FER1L6: variants seen among roughly 807,000 people sequenced by gnomAD.
The protein encoded by FER1L6 is fer-1-like protein 6.
In FER1L6, 177 loss-of-function variants were observed where a neutral mutation model predicts 219.2. The observed-to-expected ratio is 0.81, with a 90% CI of 0.71 to 0.91. FER1L6 has a LOEUF of 0.91. Ranked by LOEUF, FER1L6 falls within the 40% of genes least tolerant of loss-of-function variation. The pLI, the probability that FER1L6 is intolerant of heterozygous loss-of-function variation, is 0.00. For missense variants in FER1L6, 2,153 were observed against 2,259.9 expected (o/e 0.95, Z 0.96); for synonymous variants, 768 against 824.3 (o/e 0.93, Z 1.17).
intron 1 of FER1L6, among the ~76,000 whole-genome samples, chr8:123,949,220 G>A (rs1814638675): frequency 6.6e-6 from 1 of 152,176 alleles, no homozygotes. Flanking sequence ...AAATCCATTT[G>A]GAAAAGTCTG....
intron 13 of FER1L6, chr8:124,004,274 TG>T (rs1817562465): frequency 6.6e-6 from 1 of 152,198 alleles, no homozygotes; most frequent in African/African-American, 2.4e-5. Flanking sequence ...TAAAAGAAAG[TG>T]GTGTCAAGCA....
At chr8:124,031,883 T>C (rs750567230) in intron 18 of FER1L6, among the ~76,000 whole-genome samples, 6 of 152,194 alleles carry the variant, frequency 3.9e-5, no homozygotes, top group African/African-American at 1.4e-4. Context: ...TGCTCGATAA[T>C]GTTGAATGAA....
Position 123,975,966 on chromosome 8 carries a change from A to G in FER1L6, c.752A>G (p.Lys251Arg). Residue 251 changes from lysine to arginine, a missense_variant, in exon 9 of 41, where the codon AAA becomes AGA. Lys to Arg is a conservative substitution (Grantham distance 26, BLOSUM62 2). Coordinates refer to ENST00000522917, the MANE Select transcript of FER1L6 (RefSeq NM_001039112.2). Reference sequence around the variant, plus strand: ...GCCAGATTCTATGTGAGACTCTACAAAGCAGAAGGGTTGCCCAAAATGAAT... The same window carrying G: ...GCCAGATTCTATGTGAGACTCTACAGAGCAGAAGGGTTGCCCAAAATGAAT... ...PWARFYVRLY[K>R]AEGLPKMNSS... The G allele has an allele frequency of 1.2e-6, 2 of 1,614,028 alleles. No homozygotes were observed. Among genetic ancestry groups the G allele is most frequent in the Non-Finnish European group, 1.7e-6 (2 of 1,179,960 alleles).
At chr8:124,066,841 C>T (rs1300502041) in intron 27 of FER1L6, among the ~76,000 whole-genome samples, 1 of 152,136 alleles carries the variant, frequency 6.6e-6, no homozygotes, top group Admixed American at 6.5e-5. Flanking sequence ...CACAGCCAGA[C>T]TCAGGGGGGT....
At chr8:123,893,941 C>T (rs144397953) in intron 1 of FER1L6, among the ~76,000 whole-genome samples, 222 of 152,270 alleles carry the variant, frequency 1.5e-3, no homozygotes, top group African/African-American at 5.2e-3. Context: ...CACATGGTCA[C>T]CCCTGGTATG....
At chr8:124,055,254 T>C (rs1271877686) in intron 22 of FER1L6, among the ~76,000 whole-genome samples, 1 of 152,120 alleles carries the variant, frequency 6.6e-6, no homozygotes, top group African/African-American at 2.4e-5. Flanking sequence ...GCCTAGGCGA[T>C]ATGGCGAGAC....
chr8:124,026,641 A>G (rs6470213), intron 18 of FER1L6, among the ~76,000 whole-genome samples: 89,137 of 151,808 alleles, frequency 0.59, 26,696 homozygotes, highest in African/African-American at 0.67. Flanking sequence ...TGATACAAAC[A>G]TGGCAGCAGG....
chr8:123,920,869 C>T lies in FER1L6; in HGVS notation c.-7-35123C>T, dbSNP rs544033086. On this transcript the variant is annotated intron_variant, in intron 1 of 40. Transcript: ENST00000522917. ...CTTCCTCTCAGCCCCTGGCAACTAC[C>T]GTTCTACTTTCTGTTTCTCTGTTTC... Among the ~76,000 whole-genome samples the T allele has an allele frequency of 4.6e-5, 7 of 152,248 alleles. No homozygotes were observed. The South Asian group carries it at 1.0e-3, about 23-fold the overall frequency.
At chr8:123,924,683 T>C (rs1813496599) in intron 1 of FER1L6, 1 of 152,216 alleles carries the variant, frequency 6.6e-6, no homozygotes, top group Non-Finnish European at 1.5e-5. Flanking sequence ...ATAATACATT[T>C]TCTCTGCTAT....
intron 9 of FER1L6, among the ~76,000 whole-genome samples, chr8:123,976,470 C>T (rs192362358): frequency 6.6e-6 from 1 of 151,642 alleles, no homozygotes; most frequent in African/African-American, 2.4e-5. Context: ...GATTGTACCA[C>T]TGTGCTCCAG....
chr8:123,927,307 A>G (rs964033495), intron 1 of FER1L6, among the ~76,000 whole-genome samples: 1 of 152,190 alleles, frequency 6.6e-6, no homozygotes, highest in Non-Finnish European at 1.5e-5. Context: ...GCGATTCAGC[A>G]AGTCAGTAAC....
intron 1 of FER1L6, among the ~76,000 whole-genome samples, chr8:123,877,192 C>T (rs1328117503): frequency 6.6e-6 from 1 of 152,336 alleles, no homozygotes; most frequent in Middle Eastern, 3.4e-3. Flanking sequence ...ACTTGGCAAA[C>T]GTCACTCAAG....
chr8:123,944,424 G>A (rs181277866), intron 1 of FER1L6, among the ~76,000 whole-genome samples: 209 of 151,708 alleles, frequency 1.4e-3, no homozygotes, highest in African/African-American at 4.6e-3. Context: ...AAGAAGACCC[G>A]GCTCTGCCCT....
chr8:124,086,406 G>T (rs1821785550), intron 33 of FER1L6, among the ~76,000 whole-genome samples: 1 of 149,316 alleles, frequency 6.7e-6, no homozygotes. Flanking sequence ...AAATAATATA[G>T]CCCATGATTT....
At chr8:124,106,994 GCTGGAGTGCAGTGGTGCAATCTCTGCTCA>G (rs1822806741) in intron 39 of FER1L6, among the ~76,000 whole-genome samples, 1 of 148,398 alleles carries the variant, frequency 6.7e-6, no homozygotes, top group Non-Finnish European at 1.5e-5. Context: ...TGTCGCCCAG[GCTGGAGTGCAGTGGTGCAATCTCTGCTCA>G]CTGCAAGCTC....
chr8:123,991,562 G>C (rs563225755), intron 12 of FER1L6, among the ~76,000 whole-genome samples: 2 of 152,192 alleles, frequency 1.3e-5, no homozygotes, highest in South Asian at 4.2e-4. Context: ...TTTGTAACCT[G>C]AGATTTTGAT....
At chr8:123,886,934 T>A (rs542025346) in intron 1 of FER1L6, among the ~76,000 whole-genome samples, 4,467 of 152,212 alleles carry the variant, frequency 0.029, 101 homozygotes, top group Middle Eastern at 0.086. Context: ...CAGTTTTTTT[T>A]AAAATAAATA....
At chr8:124,045,113 A>G (rs901063615) in intron 20 of FER1L6, among the ~76,000 whole-genome samples, 2 of 152,246 alleles carry the variant, frequency 1.3e-5, no homozygotes, top group Non-Finnish European at 2.9e-5. Flanking sequence ...TATTAGGTCA[A>G]ATACCCAACT....
intron 1 of FER1L6, among the ~76,000 whole-genome samples, chr8:123,876,325 C>CT (rs1182104465): frequency 2.0e-3 from 296 of 146,262 alleles, no homozygotes; most frequent in African/African-American, 3.8e-3. Context: ...TTAAATGTCA[C>CT]TTTTTTTTTT....
Sources: gnomAD v4.1 joint callset for allele counts (sites outside exome capture counted in the v4.1 genomes callset) on GRCh38, gnomAD v4.1.1 for gene constraint, MANE v1.5 for transcripts, NCBI Gene and HGNC (gene_info 2026-07-23, HGNC 2026-07-21) for gene names.